Variants in TNIK observed in about 807,000 individuals in gnomAD.
The protein encoded by TNIK is TRAF2 and NCK interacting kinase.
A neutral mutation model predicts 191.3 loss-of-function variants in TNIK; 49 were observed. That is an observed-to-expected ratio of 0.26 (90% CI 0.20 to 0.32). The LOEUF (loss-of-function observed/expected upper bound fraction) is 0.32. Ranked by LOEUF, TNIK falls within the 10% of genes least tolerant of loss-of-function variation. TNIK has a pLI of 1.00. For synonymous variants in TNIK, 594 were observed against 600.9 expected (o/e 0.99, Z 0.17); for missense variants, 1,155 against 1,702.3 (o/e 0.68, Z 5.66).
chr3:171,323,883 T>C (rs1221763210), intron 2 of TNIK, among the ~76,000 whole-genome samples: 1 of 152,154 alleles, frequency 6.6e-6, no homozygotes, highest in Non-Finnish European at 1.5e-5. Flanking sequence ...TAATGTCAAA[T>C]GGTTAGTGCT....
Position 171,252,409 on chromosome 3 carries a change from A to T in TNIK, c.124-24188T>A, listed in dbSNP as rs78345825. ...AGATGTAATTAAAAATGAGGGGAGG[A>T]GAAGAGAGGAATAAACAAAACCACC... is the stretch of plus-strand genomic sequence containing the variant. On this transcript the variant is annotated intron_variant, in intron 2 of 32. Coordinates refer to ENST00000436636, the MANE Select transcript of TNIK (RefSeq NM_015028.4). Among the ~76,000 whole-genome samples, 22 of 152,298 alleles carry T rather than the reference A, an allele frequency of 1.4e-4. No individual in the cohort carries two copies. The East Asian group carries it at 4.2e-3, about 29-fold the overall frequency.
chr3:171,410,946 T>A (rs1447938732), intron 1 of TNIK, among the ~76,000 whole-genome samples: 2 of 152,100 alleles, frequency 1.3e-5, no homozygotes, highest in African/African-American at 2.4e-5. Context: ...CCACCATTAA[T>A]CCACTACACT....
rs191658260 is a variant in TNIK at position 171,423,117 on chromosome 3, T to C, written c.57+36890A>G. ...GGGCACCAAAATCTCCTTAAGCTGATAAGCAACTTCAGCAAAGTCTCAGGG... is the reference window on the plus strand; with the variant it reads ...GGGCACCAAAATCTCCTTAAGCTGACAAGCAACTTCAGCAAAGTCTCAGGG... On this transcript the variant is annotated intron_variant, in intron 1 of 32. Transcript: ENST00000436636. 3.9e-4 allele frequency among the ~76,000 whole-genome samples: 59 copies of C among 152,342 alleles called. No homozygotes were observed. The East Asian group carries it at 9.8e-3, about 25-fold the overall frequency.
intron 2 of TNIK, among the ~76,000 whole-genome samples, chr3:171,275,322 C>T (rs928879101): frequency 1.3e-5 from 2 of 152,010 alleles, no homozygotes; most frequent in African/African-American, 4.8e-5. Context: ...TGAAGAAAGC[C>T]TCCAACAAGA....
At chr3:171,396,432 T>C (rs899692040) in intron 1 of TNIK, among the ~76,000 whole-genome samples, 2 of 152,216 alleles carry the variant, frequency 1.3e-5, no homozygotes, top group African/African-American at 4.8e-5. Flanking sequence ...CACAACTTTT[T>C]GTATAGACAT....
chr3:171,163,122 G>C (rs1354096194), intron 10 of TNIK, among the ~76,000 whole-genome samples: 2 of 152,198 alleles, frequency 1.3e-5, no homozygotes, highest in Admixed American at 6.5e-5. Context: ...AGGAAACAAT[G>C]AGCTGTGAGT....
At chr3:171,132,281 T>C (rs964406919) in intron 15 of TNIK, among the ~76,000 whole-genome samples, 1 of 152,238 alleles carries the variant, frequency 6.6e-6, no homozygotes, top group African/African-American at 2.4e-5. Context: ...AACTTCACTA[T>C]AAAAGTATTT....
chr3:171,144,762 C>G (rs1731306494), intron 12 of TNIK, among the ~76,000 whole-genome samples: 1 of 152,206 alleles, frequency 6.6e-6, no homozygotes, highest in Non-Finnish European at 1.5e-5. Flanking sequence ...CAGTCTCTCA[C>G]CACTGCCCCC....
intron 2 of TNIK, among the ~76,000 whole-genome samples, chr3:171,265,277 AAAT>A (rs775047289): frequency 7.2e-5 from 11 of 152,358 alleles, no homozygotes; most frequent in Non-Finnish European, 1.5e-4. Context: ...AAAATATTTC[AAAT>A]AATAGGAGAA....
At chr3:171,365,878 A>T (rs1240987723) in intron 2 of TNIK, among the ~76,000 whole-genome samples, 1 of 152,216 alleles carries the variant, frequency 6.6e-6, no homozygotes, top group Non-Finnish European at 1.5e-5. Flanking sequence ...CATATTCCTA[A>T]TTCACATTAT....
At chr3:171,325,341 G>A (rs1335569529) in intron 2 of TNIK, among the ~76,000 whole-genome samples, 2 of 152,082 alleles carry the variant, frequency 1.3e-5, no homozygotes, top group Non-Finnish European at 2.9e-5. Flanking sequence ...TAGGGATTAA[G>A]AAGCTCTGGA....
intron 22 of TNIK, among the ~76,000 whole-genome samples, chr3:171,097,399 A>G (rs1046283200): frequency 1.3e-5 from 2 of 152,218 alleles, no homozygotes; most frequent in Non-Finnish European, 2.9e-5. Flanking sequence ...AAAATACTGG[A>G]TGTGCACAAT....
intron 26 of TNIK, 123 bp downstream of exon 26, chr3:171,084,032 T>G: frequency 7.7e-7 from 1 of 1,300,582 alleles, no homozygotes; most frequent in Non-Finnish European, 1.0e-6. Context: ...AAGTTAGGTC[T>G]CTAATACCCA....
rs145483969 is a variant in TNIK at position 171,384,080 on chromosome 3, A to G, written c.58-14395T>C. Among the ~76,000 whole-genome samples, 63 of 152,288 alleles carry G rather than the reference A, an allele frequency of 4.1e-4. 1 individual carries two copies. Among genetic ancestry groups the G allele is most frequent in the African/African-American group, 1.4e-3 (57 of 41,566 alleles). ...TGTTCCCTTTTTGTTCTTGCTATCC[A>G]AAAAGTCCTTTTGTCCCATCTTTGT... is the stretch of plus-strand genomic sequence containing the variant. On this transcript the variant is annotated intron_variant, in intron 1 of 32. Coordinates refer to ENST00000436636, the MANE Select transcript of TNIK (RefSeq NM_015028.4).
At chr3:171,227,116 T>C (rs1212940916) in intron 3 of TNIK, among the ~76,000 whole-genome samples, 1 of 152,186 alleles carries the variant, frequency 6.6e-6, no homozygotes, top group African/African-American at 2.4e-5. Flanking sequence ...AGAAAATTAT[T>C]AACATGCCTT....
At chr3:171,262,288 ACACCC>A (rs1253035957) in intron 2 of TNIK, among the ~76,000 whole-genome samples, 1 of 151,302 alleles carries the variant, frequency 6.6e-6, no homozygotes, top group East Asian at 1.9e-4. Context: ...CCATCACATC[ACACCC>A]CACCCCACCC....
chr3:171,354,163 G>A (rs1297997621), intron 2 of TNIK, among the ~76,000 whole-genome samples: 2 of 152,150 alleles, frequency 1.3e-5, no homozygotes, highest in Admixed American at 1.3e-4. Context: ...TAATATATAT[G>A]TAGATTTACA....
At chr3:171,283,068 A>G (rs1289019134) in intron 2 of TNIK, among the ~76,000 whole-genome samples, 1 of 152,124 alleles carries the variant, frequency 6.6e-6, no homozygotes, top group Non-Finnish European at 1.5e-5. Flanking sequence ...GACCTTTATC[A>G]AGGAATAATT....
At chr3:171,080,427 ATTTAT>A (rs2108359686) in intron 27 of TNIK, among the ~76,000 whole-genome samples, 1 of 146,958 alleles carries the variant, frequency 6.8e-6, no homozygotes, top group Non-Finnish European at 1.5e-5. Flanking sequence ...AAAATGTTTT[ATTTAT>A]TTATTTATTT....
Sources: gnomAD v4.1 joint callset for allele counts (sites outside exome capture counted in the v4.1 genomes callset) on GRCh38, gnomAD v4.1.1 for gene constraint, MANE v1.5 for transcripts, NCBI Gene and HGNC (gene_info 2026-07-23, HGNC 2026-07-21) for gene names.